Variants in TMEM229B observed in about 807,000 individuals in gnomAD.
TMEM229B encodes chromosome 14 open reading frame 83.
TMEM229B carries 6 observed loss-of-function variants against 13.7 expected under a neutral mutation model. The ratio of observed to expected loss-of-function variants is 0.44; its 90% CI spans 0.24 to 0.86. The LOEUF (loss-of-function observed/expected upper bound fraction) is 0.86. Ranked by LOEUF, TMEM229B falls within the 40% of genes least tolerant of loss-of-function variation. The probability of loss-of-function intolerance (pLI) is 0.23; values close to 1 mark genes in which losing one functional copy is unlikely to be tolerated. For missense variants in TMEM229B, 170 were observed against 236.0 expected, an observed-to-expected ratio of 0.72 and a Z score of 1.83; for synonymous variants, 107 against 102.1, an observed-to-expected ratio of 1.05 and a Z score of -0.29.
upstream of TMEM229B, among the ~76,000 whole-genome samples, chr14:67,518,860 C>T (rs2033247604): frequency 6.6e-6 from 1 of 152,080 alleles, no homozygotes; most frequent in African/African-American, 2.4e-5. Context: ...GCAGCCCGAT[C>T]AGAAAGGGTC....
At chr14:67,513,995 C>T (rs1377278912) in intron 1 of TMEM229B, among the ~76,000 whole-genome samples, 1 of 152,170 alleles carries the variant, frequency 6.6e-6, no homozygotes, top group Admixed American at 6.5e-5. Context: ...ATCCCTCTTC[C>T]TGGTACAGCA....
At chr14:67,479,110 T>C (rs1032228906) in intron 2 of TMEM229B, among the ~76,000 whole-genome samples, 5 of 152,192 alleles carry the variant, frequency 3.3e-5, no homozygotes, top group Non-Finnish European at 7.3e-5. Flanking sequence ...AAATTTCATC[T>C]TAAAAATGCT....
chr14:67,500,570 T>C (rs2032565166), intron 1 of TMEM229B, among the ~76,000 whole-genome samples: 1 of 146,950 alleles, frequency 6.8e-6, no homozygotes. Context: ...CATGTGCATT[T>C]GGATTTTTTT....
intron 1 of TMEM229B, among the ~76,000 whole-genome samples, chr14:67,512,189 C>T (rs138663194): frequency 2.0e-5 from 3 of 152,302 alleles, no homozygotes; most frequent in African/African-American, 7.2e-5. Flanking sequence ...CACACCACAG[C>T]CAGTGTGACA....
rs74058424 is a variant in TMEM229B, at chr14:67,476,863, C to T, written c.-18-2922G>A. On this transcript the variant is annotated intron_variant, in intron 2 of 2. Transcript: ENST00000554480. ...GATAGTGGCTGGGCACAGTGGCTCA[C>T]GCCTGTAATCCCAGCACTTTGGGAG... Among the ~76,000 whole-genome samples, 27 of 152,184 alleles carry T rather than the reference C, an allele frequency of 1.8e-4. No individual in the cohort carries two copies. In the East Asian group the frequency reaches 3.9e-3, roughly 22 times the overall value.
chr14:67,517,456 G>T (rs1414060296), upstream of TMEM229B, among the ~76,000 whole-genome samples: 1 of 151,982 alleles, frequency 6.6e-6, no homozygotes, highest in Non-Finnish European at 1.5e-5. Flanking sequence ...TAAACTCAGA[G>T]GCAAAAAATA....
intron 1 of TMEM229B, among the ~76,000 whole-genome samples, chr14:67,508,390 G>C (rs1183119236): frequency 6.6e-6 from 1 of 152,030 alleles, no homozygotes; most frequent in Admixed American, 6.6e-5. Flanking sequence ...AGAATATCTT[G>C]TCCAAATGAT....
At chr14:67,492,587 C>T (rs2032212523), upstream of TMEM229B, among the ~76,000 whole-genome samples, 1 of 152,190 alleles carries the variant, frequency 6.6e-6, no homozygotes. Flanking sequence ...GGACCCTGCC[C>T]CTTTGTTGCC....
At chr14:67,493,360 C>G (rs1158004976), upstream of TMEM229B, among the ~76,000 whole-genome samples, 1 of 152,172 alleles carries the variant, frequency 6.6e-6, no homozygotes, top group Non-Finnish European at 1.5e-5. Flanking sequence ...ATGATGTCAA[C>G]AGTAGCCAAT....
chr14:67,495,126 G>T (rs574111587), intron 1 of TMEM229B, among the ~76,000 whole-genome samples: 1 of 152,220 alleles, frequency 6.6e-6, no homozygotes, highest in Admixed American at 6.5e-5. Flanking sequence ...AGGACAGGGG[G>T]TGGGGCCCAG....
chr14:67,489,765 C>T (rs563787988), upstream of TMEM229B, among the ~76,000 whole-genome samples: 14 of 152,244 alleles, frequency 9.2e-5, no homozygotes, highest in South Asian at 8.3e-4. Context: ...CCGAGGCGGG[C>T]GGATCACGAG....
chr14:67,493,792 C>CT (rs1566686997), intron 1 of TMEM229B, among the ~76,000 whole-genome samples: 1 of 152,134 alleles, frequency 6.6e-6, no homozygotes, highest in Admixed American at 6.5e-5. Flanking sequence ...GCATCCTTTT[C>CT]TTTTTTGTTT....
intron 2 of TMEM229B, among the ~76,000 whole-genome samples, chr14:67,486,707 C>A (rs1289504064): frequency 6.6e-6 from 1 of 152,200 alleles, no homozygotes; most frequent in Non-Finnish European, 1.5e-5. Context: ...GTGGAATTAA[C>A]CCTCTTTTTC....
intron 1 of TMEM229B, among the ~76,000 whole-genome samples, chr14:67,524,685 T>C (rs966540439): frequency 6.6e-5 from 10 of 152,224 alleles, no homozygotes; most frequent in African/African-American, 2.4e-4. Context: ...CAGACTTGTG[T>C]CTGCTCCTTC....
chr14:67,476,898 G>C (rs1383625377), intron 2 of TMEM229B, among the ~76,000 whole-genome samples: 1 of 152,124 alleles, frequency 6.6e-6, no homozygotes, highest in Non-Finnish European at 1.5e-5. Context: ...GGCGGAGATG[G>C]GCAGATCACC....
intron 1 of TMEM229B, among the ~76,000 whole-genome samples, chr14:67,498,979 T>TTTTATTTATTTA (rs10523208): frequency 0.16 from 22,892 of 146,462 alleles, 2,024 homozygotes; most frequent in South Asian, 0.25. Context: ...AAGGCAATGG[T>TTTTATTTATTTA]TTTATTTATT....
intron 1 of TMEM229B, among the ~76,000 whole-genome samples, chr14:67,524,518 C>T (rs1222879656): frequency 6.6e-6 from 1 of 152,182 alleles, no homozygotes; most frequent in Non-Finnish European, 1.5e-5. Context: ...ATGCCACTCC[C>T]ACCCAGAACC....
At chr14:67,516,892 G>A (rs775936758), upstream of TMEM229B, among the ~76,000 whole-genome samples, 7 of 152,198 alleles carry the variant, frequency 4.6e-5, no homozygotes, top group Admixed American at 1.3e-4. Flanking sequence ...GCTACCAGTG[G>A]CAGGAACTCT....
At chr14:67,530,914 A>T (rs1347919333) in intron 1 of TMEM229B, among the ~76,000 whole-genome samples, 1 of 152,168 alleles carries the variant, frequency 6.6e-6, no homozygotes, top group African/African-American at 2.4e-5. Context: ...GCCTCCTCTC[A>T]CCTCTCACGT....
Sources: allele counts gnomAD v4.1 joint callset (sites outside exome capture counted in the v4.1 genomes callset), GRCh38; gene constraint gnomAD v4.1.1; transcripts MANE v1.5; gene names NCBI Gene and HGNC (gene_info 2026-07-23, HGNC 2026-07-21).